The following HOXD8 variants were observed in gnomAD, a reference collection of about 807,000 sequenced individuals.
HOXD8 encodes homeobox protein Hox-D8.
A neutral mutation model predicts 25.4 loss-of-function variants in HOXD8; 17 were observed. The ratio of observed to expected loss-of-function variants is 0.67; its 90% CI spans 0.46 to 1.00. The LOEUF is 1.00. Among genes scored for constraint, HOXD8 ranks in the 50% least tolerant of loss-of-function variants. HOXD8 has a pLI of 0.00. For missense variants in HOXD8, 511 were observed against 398.5 expected, an observed-to-expected ratio of 1.28 and a Z score of -2.40; for synonymous variants, 203 against 175.3, an observed-to-expected ratio of 1.16 and a Z score of -1.25.
chr2:176,131,009 C>A lies in HOXD8; in HGVS notation c.577+66C>A, dbSNP rs538373838. ...AATCTGCTTTCATCTCACGTTCTGG[C>A]TTTAAAACTCCCGTTCCCTCTCCCC... is the stretch of plus-strand genomic sequence containing the variant. On this transcript the variant is annotated intron_variant, in intron 1 of 1. Coordinates refer to ENST00000313173, the MANE Select transcript of HOXD8 (RefSeq NM_019558.4). The A allele has an allele frequency of 4.6e-6, 5 of 1,087,588 alleles. No individual in the cohort carries two copies. In the East Asian group the frequency reaches 1.0e-4, roughly 22 times the overall value. 67.4% of individuals were successfully genotyped at this position (1,087,588 alleles called of 1,614,324 possible).
At position 176,130,338 on chromosome 2, in the gene HOXD8, C is replaced by A; in HGVS notation, c.-29C>A. 5 of 1,374,612 alleles carry A rather than the reference C, an allele frequency of 3.6e-6. No homozygotes were observed. Among genetic ancestry groups the A allele is most frequent in the Non-Finnish European group, 4.7e-6 (5 of 1,072,744 alleles). The allele number at this position is 1,374,612 out of a possible 1,614,324, so 85.2% of individuals were successfully genotyped here. A position where few individuals can be genotyped will look rare whatever the true frequency, so the allele number is the denominator to read the frequency against. On this transcript the variant is annotated 5_prime_UTR_variant, in exon 1 of 2. Coordinates refer to ENST00000313173, the MANE Select transcript of HOXD8 (RefSeq NM_019558.4). ...CTCTGGCTGCTTAGCGCCGCCCGCC[C>A]GCCCGGGGCCGCCGCCGCTGACGCC...
rs1459419186 is a variant in HOXD8, at chr2:176,130,157, A to G, written c.-210A>G. 4.8e-6 allele frequency: 1 copy of G among 207,168 alleles called. No individual in the cohort carries two copies. The highest frequency in any genetic ancestry group is 9.4e-6 in the Non-Finnish European group (1 of 105,976). 12.8% of individuals were successfully genotyped at this position (207,168 alleles called of 1,614,324 possible). The stretch of plus-strand genomic sequence containing the variant: ...GAGGCGGCGGGCGCAAGAGCCGGGC[A>G]TGAGCGCCCAGTAGCTGAGCGCCCG... On this transcript the variant is annotated 5_prime_UTR_variant, in exon 1 of 2. It removes an upstream start codon present in the reference 5' UTR. Transcript: ENST00000313173.
Position 176,130,565 on chromosome 2 carries a change from C to G in HOXD8, c.199C>G (p.Gln67Glu). 6.8e-7 allele frequency: 1 copy of G among 1,461,806 alleles called. No homozygotes were observed. The highest frequency in any genetic ancestry group is 2.6e-5 in the Admixed American group (1 of 38,198). The allele number at this position is 1,461,806 out of a possible 1,614,324, so 90.6% of individuals were successfully genotyped here. The change falls in exon 1 of 2, where the codon CAG becomes GAG. Residue 67 changes from glutamine to glutamate, a missense_variant. By Grantham distance (29) the Gln-to-Glu change is conservative. Coordinates refer to ENST00000313173, the MANE Select transcript of HOXD8 (RefSeq NM_019558.4). ...SAAGFPHAPP[Q>E]AHAHPHPSPP... ...CGCCGGCTTCCCGCACGCGCCCCCG[C>G]AGGCGCACGCGCACCCGCACCCGTC...
chr2:176,130,800 A>T lies in HOXD8; in HGVS notation c.434A>T (p.Gln145Leu). 3.1e-6 allele frequency: 5 copies of T among 1,613,596 alleles called. No homozygotes were observed. Among genetic ancestry groups the T allele is most frequent in the Non-Finnish European group, 4.2e-6 (5 of 1,179,828 alleles). Residue 145 changes from glutamine to leucine, a missense_variant, in exon 1 of 2, where the codon CAG becomes CTG. Coordinates refer to ENST00000313173, the MANE Select transcript of HOXD8 (RefSeq NM_019558.4). ...TACGGATACGATAACTTACAGAGAC[A>T]GCCGATTTTTACGACCCAGCAAGAG... ...KFYGYDNLQR[Q>L]PIFTTQQEAE...
chr2:176,130,405 C>T lies in HOXD8; in HGVS notation c.39C>T (p.Tyr13=). 2.7e-6 allele frequency: 4 copies of T among 1,488,098 alleles called. No individual in the cohort carries two copies. The highest frequency in any genetic ancestry group is 3.6e-6 in the Non-Finnish European group (4 of 1,126,270). The allele number at this position is 1,488,098 out of a possible 1,614,324, so 92.2% of individuals were successfully genotyped here. Residue 13 remains tyrosine, a synonymous_variant, in exon 1 of 2, where the codon TAC becomes TAT. Coordinates refer to ENST00000313173, the MANE Select transcript of HOXD8 (RefSeq NM_019558.4). ...SYFVNPLYSK[Y]KAAAAAAAAA... is the part of the protein sequence containing the mutation. ...TCGTGAACCCGCTGTACTCCAAGTA[C>T]AAGGCGGCGGCTGCGGCGGCGGCGG...
Sources: gnomAD v4.1 joint callset for allele counts on GRCh38, gnomAD v4.1.1 for gene constraint, MANE v1.5 for transcripts, NCBI Gene and HGNC (gene_info 2026-07-23, HGNC 2026-07-21) for gene names.